Variants in MAP2K5 observed in about 807,000 individuals in gnomAD.
MAP2K5 encodes mitogen-activated protein kinase kinase 5, also known as dual specificity mitogen-activated protein kinase kinase 5.
Under a neutral mutation model 83.1 loss-of-function variants are expected in MAP2K5, and 49 were observed. The observed-to-expected ratio is 0.59, with a 90% confidence interval of 0.47 to 0.75. The LOEUF (loss-of-function observed/expected upper bound fraction) is 0.75, where lower values mean the gene tolerates loss of function less well. Among genes scored for constraint, MAP2K5 ranks in the 30% least tolerant of loss-of-function variants. The probability of loss-of-function intolerance (pLI) is 0.00; values close to 1 mark genes in which losing one functional copy is unlikely to be tolerated. For synonymous variants in MAP2K5, 202 were observed against 191.8 expected, an observed-to-expected ratio of 1.05 and a Z score of -0.44; for missense variants, 457 against 557.5, an observed-to-expected ratio of 0.82 and a Z score of 1.82.
intron 16 of MAP2K5, among the ~76,000 whole-genome samples, chr15:67,707,124 C>G (rs971643068): frequency 1.3e-5 from 2 of 152,154 alleles, no homozygotes; most frequent in African/African-American, 2.4e-5. Flanking sequence ...ACCATGTTAG[C>G]CAGGATGGCC....
At chr15:67,650,626 A>G (rs1409591569) in intron 11 of MAP2K5, among the ~76,000 whole-genome samples, 1 of 151,618 alleles carries the variant, frequency 6.6e-6, no homozygotes, top group African/African-American at 2.4e-5. Flanking sequence ...TATATGGTAT[A>G]CTATATTAAT....
Position 67,677,430 on chromosome 15 carries a change from G to T in MAP2K5, c.847+12785G>T, listed in dbSNP as rs2087708835. On this transcript the variant is annotated intron_variant, in intron 13 of 21. Transcript: ENST00000178640. This position sits in a 1 kb window ranked among gnomAD's most constrained non-coding sequence, Gnocchi z 4.2. ...TAGCCCAGTTCCTGGTATATATTAA[G>T]TGCCAAGTAAGTGTTATCTACCATA... Among the ~76,000 whole-genome samples, 1 of 152,198 alleles carries T rather than the reference G, an allele frequency of 6.6e-6. No homozygotes were observed. The highest frequency in any genetic ancestry group is 2.1e-4 in the South Asian group (1 of 4,836).
chr15:67,675,213 G>A (rs1034533958), intron 13 of MAP2K5, among the ~76,000 whole-genome samples: 1 of 152,150 alleles, frequency 6.6e-6, no homozygotes, highest in African/African-American at 2.4e-5. Flanking sequence ...CCTTCAACAG[G>A]TGAATGGTTA....
intron 19 of MAP2K5, among the ~76,000 whole-genome samples, chr15:67,752,555 G>A (rs2089743811): frequency 6.6e-6 from 1 of 151,720 alleles, no homozygotes; most frequent in Admixed American, 6.6e-5. Context: ...GCAGGCACCT[G>A]TAATCCCCAC....
At chr15:67,703,818 C>T (rs1459173182) in intron 16 of MAP2K5, among the ~76,000 whole-genome samples, 3 of 152,124 alleles carry the variant, frequency 2.0e-5, no homozygotes, top group African/African-American at 4.8e-5. Flanking sequence ...GCATATGTAA[C>T]TTCCAACGGT....
rs1464822566 is a variant in MAP2K5, at chr15:67,542,749, A to AGCCGCCGCC, written c.-586_-578dup. 1.4e-5 allele frequency: 2 copies of AGCCGCCGCC among 146,574 alleles called. No homozygotes were observed. The highest frequency in any genetic ancestry group is 3.0e-5 in the Non-Finnish European group (2 of 66,782). The allele number at this position is 146,574 out of a possible 1,614,324, so 9.1% of individuals were successfully genotyped here. On this transcript the variant is annotated 5_prime_UTR_variant, in exon 1 of 22. Coordinates refer to ENST00000178640, the MANE Select transcript of MAP2K5 (RefSeq NM_145160.3). ...CCGCTACCGCCGTCGCCGCCGCCGC[A>AGCCGCCGCC]GCCGCCGCCAGTCCGCGCGGCCTCG... is the stretch of plus-strand genomic sequence containing the variant.
At chr15:67,616,629 C>A (rs373705091) in intron 8 of MAP2K5, among the ~76,000 whole-genome samples, 1 of 152,160 alleles carries the variant, frequency 6.6e-6, no homozygotes, top group East Asian at 1.9e-4. Flanking sequence ...ATAACAAATA[C>A]ATTTGTAACT....
At chr15:67,771,006 A>G (rs774059687) in intron 20 of MAP2K5, among the ~76,000 whole-genome samples, 1 of 152,204 alleles carries the variant, frequency 6.6e-6, no homozygotes, top group Non-Finnish European at 1.5e-5. Flanking sequence ...GGAAAAAAGC[A>G]TACATGTTGA....
rs1198533907 is a variant in MAP2K5 at position 67,557,483 on chromosome 15, G to T, written c.185-5800G>T. Among the ~76,000 whole-genome samples the T allele has an allele frequency of 3.3e-5, 5 of 152,290 alleles. No homozygotes were observed. In the East Asian group the frequency reaches 9.6e-4, roughly 29 times the overall value. On this transcript the variant is annotated intron_variant, in intron 2 of 21. Transcript: ENST00000178640. ...CATGGTTATAGAATAAATATTTATTGAATTTGTGCCTTTCTTCAACCCCAT... is the reference window on the plus strand; with the variant it reads ...CATGGTTATAGAATAAATATTTATTTAATTTGTGCCTTTCTTCAACCCCAT...
chr15:67,658,065 A>T (rs1413782012), intron 11 of MAP2K5, among the ~76,000 whole-genome samples: 2 of 152,098 alleles, frequency 1.3e-5, no homozygotes, highest in African/African-American at 2.4e-5. Context: ...AAGAAAGGTT[A>T]TTACATATTG....
chr15:67,670,196 C>G (rs1355270974), intron 13 of MAP2K5, among the ~76,000 whole-genome samples: 1 of 152,076 alleles, frequency 6.6e-6, no homozygotes, highest in Non-Finnish European at 1.5e-5. Flanking sequence ...AAAGGGTTAC[C>G]AGCTGTGTGA....
rs555400350 is a variant in MAP2K5 at position 67,554,873 on chromosome 15, G to A, written c.184+4791G>A. Among the ~76,000 whole-genome samples, 5 of 152,292 alleles carry A rather than the reference G, an allele frequency of 3.3e-5. No individual in the cohort carries two copies. The East Asian group carries it at 7.7e-4, about 23-fold the overall frequency. ...TGGTCTAAATCTAAATGAGTAATTTGCGTTTTTGGATTATTTGTGTTATAG... is the reference window on the plus strand; with the variant it reads ...TGGTCTAAATCTAAATGAGTAATTTACGTTTTTGGATTATTTGTGTTATAG... On this transcript the variant is annotated intron_variant, in intron 2 of 21. Coordinates refer to ENST00000178640, the MANE Select transcript of MAP2K5 (RefSeq NM_145160.3).
In MAP2K5 at chr15:67,638,507, A is replaced by G. The variant is rs978063825; in HGVS notation, c.585+7580A>G. Among the ~76,000 whole-genome samples the G allele has an allele frequency of 2.0e-5, 3 of 152,140 alleles. No homozygotes were observed. The highest frequency in any genetic ancestry group is 4.8e-5 in the African/African-American group (2 of 41,422). ...TTTAGGTTGATTCCATGTCTTTGCT[A>G]TTGCGAATAGTGCTGCAATGACCAT... is the stretch of plus-strand genomic sequence containing the variant. On this transcript the variant is annotated intron_variant, in intron 9 of 21. Transcript: ENST00000178640. This position sits in a 1 kb window ranked among gnomAD's most constrained non-coding sequence, Gnocchi z 4.5.
chr15:67,752,993 A>G (rs1410475288), intron 19 of MAP2K5, among the ~76,000 whole-genome samples: 1 of 152,226 alleles, frequency 6.6e-6, no homozygotes, highest in Non-Finnish European at 1.5e-5. Context: ...TGGTAGTGGT[A>G]TAGGATAGAC....
At chr15:67,627,909 G>A in intron 8 of MAP2K5, 1 of 750,894 alleles carries the variant, frequency 1.3e-6, no homozygotes, top group East Asian at 3.1e-5. Flanking sequence ...TTCATTGGAG[G>A]GCTGAACTTT....
At chr15:67,602,873 C>T (rs1306511683) in intron 8 of MAP2K5, among the ~76,000 whole-genome samples, 2 of 152,108 alleles carry the variant, frequency 1.3e-5, no homozygotes, top group Non-Finnish European at 2.9e-5. Context: ...AGACTGGTCT[C>T]GAGCTCCTGA....
In MAP2K5 at chr15:67,764,349, G is replaced by A. The variant is rs1197621180; in HGVS notation, c.1135-5253G>A. Among the ~76,000 whole-genome samples, 1 of 152,194 alleles carries A rather than the reference G, an allele frequency of 6.6e-6. No individual in the cohort carries two copies. Among genetic ancestry groups the A allele is most frequent in the African/African-American group, 2.4e-5 (1 of 41,448 alleles). On this transcript the variant is annotated intron_variant, in intron 19 of 21. Coordinates refer to ENST00000178640, the MANE Select transcript of MAP2K5 (RefSeq NM_145160.3). This position sits in a 1 kb window ranked among gnomAD's most constrained non-coding sequence, Gnocchi z 4.9. ...TGTCTGGGAGAGAGGAAAGAAGAAA[G>A]TAGGAGAGCAAAGAAGGTATCTCAC...
At chr15:67,700,524 GGTTTT>G (rs1294258730) in intron 15 of MAP2K5, among the ~76,000 whole-genome samples, 7 of 152,102 alleles carry the variant, frequency 4.6e-5, no homozygotes, top group African/African-American at 1.7e-4. Context: ...CCTGGTAGTT[GGTTTT>G]GTTTTGTTTT....
At chr15:67,695,103 C>A (rs2088216397) in intron 15 of MAP2K5, among the ~76,000 whole-genome samples, 1 of 112,644 alleles carries the variant, frequency 8.9e-6, no homozygotes, top group African/African-American at 3.6e-5. Flanking sequence ...ACTCTGGGGA[C>A]TGTTGTGGGT....
Sources: allele counts gnomAD v4.1 joint callset (sites outside exome capture counted in the v4.1 genomes callset), GRCh38; gene constraint gnomAD v4.1.1; non-coding constraint Gnocchi (gnomAD v3.1); transcripts MANE v1.5; gene names NCBI Gene and HGNC (gene_info 2026-07-23, HGNC 2026-07-21).